Variants in ZFR2 observed in about 807,000 individuals in gnomAD.
ZFR2 encodes the protein zinc finger RNA-binding protein 2.
Under a neutral mutation model 105.7 loss-of-function variants are expected in ZFR2, and 104 were observed. That is an observed-to-expected ratio of 0.98 (90% CI 0.84 to 1.16). ZFR2 has a LOEUF of 1.16. Among genes scored for constraint, ZFR2 ranks in the 50% most tolerant of loss-of-function variants. ZFR2 has a pLI of 0.00. For missense variants in ZFR2, 1,425 were observed against 1,355.5 expected, an observed-to-expected ratio of 1.05 and a Z score of -0.80; for synonymous variants, 634 against 597.7, an observed-to-expected ratio of 1.06 and a Z score of -0.89.
chr19:3,855,297 G>T, intron 1 of ZFR2: 1 of 1,032,484 alleles, frequency 9.7e-7, no homozygotes, highest in Non-Finnish European at 1.2e-6. Flanking sequence ...CCATCTTCTG[G>T]CTAAGCTGAA....
rs1328222199 is a variant in ZFR2 at position 3,813,445 on chromosome 19, GCTT to G, written c.2242+372_2242+374del. The stretch of plus-strand genomic sequence containing the variant: ...TGACTGATGGACAGAGTCAAACTGA[GCTT>G]CTGCCGTGACCCAGGGGAAATGGCT... On this transcript the variant is annotated intron_variant, in intron 14 of 18. Coordinates refer to ENST00000262961, the MANE Select transcript of ZFR2 (RefSeq NM_015174.2). This position sits in a 1 kb window ranked among gnomAD's most constrained non-coding sequence, Gnocchi z 4.4. Among the ~76,000 whole-genome samples the G allele has an allele frequency of 6.6e-6, 1 of 152,184 alleles. No individual in the cohort carries two copies. Among genetic ancestry groups the G allele is most frequent in the African/African-American group, 2.4e-5 (1 of 41,448 alleles).
chr19:3,868,374 C>T (rs909266521), intron 1 of ZFR2, among the ~76,000 whole-genome samples: 1 of 150,440 alleles, frequency 6.6e-6, no homozygotes, highest in Admixed American at 6.6e-5. Flanking sequence ...TTCTCCTCCC[C>T]CCGCAATCGG....
At chr19:3,833,449 A>G in intron 3 of ZFR2, 1 of 404,032 alleles carries the variant, frequency 2.5e-6, no homozygotes, top group Non-Finnish European at 4.5e-6. Context: ...GGTTGCAGGC[A>G]CTTGTAGTCC....
Position 3,834,692 on chromosome 19 carries a change from G to T in ZFR2, c.264+81C>A. 2 of 1,396,908 alleles carry T rather than the reference G, an allele frequency of 1.4e-6. No homozygotes were observed. Among genetic ancestry groups the T allele is most frequent in the Non-Finnish European group, 2.0e-6 (2 of 1,008,320 alleles). The allele number at this position is 1,396,908 out of a possible 1,614,324, so 86.5% of individuals were successfully genotyped here. ...GTTAAGAGGCCTGGGAGAAGGAGTA[G>T]CTGTGGGAAGCCCACCGCTCTCACC... On this transcript the variant is annotated intron_variant, in intron 2 of 18. Transcript: ENST00000262961. This position sits in a 1 kb window ranked among gnomAD's most constrained non-coding sequence, Gnocchi z 5.3.
intron 1 of ZFR2, among the ~76,000 whole-genome samples, chr19:3,864,387 A>G (rs2038407283): frequency 6.6e-6 from 1 of 151,962 alleles, no homozygotes; most frequent in African/African-American, 2.4e-5. Context: ...CAAACAAACA[A>G]ACAAACAAAC....
chr19:3,814,129 C>G (rs1244585782), intron 13 of ZFR2, among the ~76,000 whole-genome samples, 171 bp from the exon 14 acceptor site: 1 of 152,172 alleles, frequency 6.6e-6, no homozygotes, highest in Non-Finnish European at 1.5e-5. Context: ...GACCAAGACA[C>G]AGCCGCAGCC....
At chr19:3,827,750 T>A in intron 5 of ZFR2, 97 bp from the exon 6 acceptor site, 1 of 1,414,252 alleles carries the variant, frequency 7.1e-7, no homozygotes, top group Non-Finnish European at 9.6e-7. Flanking sequence ...GGGAACTCGG[T>A]GGTAACAGAG....
In ZFR2 at chr19:3,821,475, T is replaced by C; in HGVS notation, c.1496A>G (p.Lys499Arg). The change falls in exon 10 of 19, where the codon AAA becomes AGA. Residue 499 changes from lysine to arginine, a missense_variant. Lys to Arg is a conservative substitution (Grantham distance 26, BLOSUM62 2). Transcript: ENST00000262961. ...GGCAATGGGAAGGTCCGGGTTCACT[T>C]TCTTCTGGAAAGGACAGGCAAGGCT... Reference protein sequence around the residue: ...GRRHRLQYRKKVNPDLPIATE... With the variant: ...GRRHRLQYRKRVNPDLPIATE... 1 of 1,601,132 alleles carries C rather than the reference T, an allele frequency of 6.2e-7. No individual in the cohort carries two copies. The highest frequency in any genetic ancestry group is 2.2e-5 in the East Asian group (1 of 44,550).
chr19:3,810,864 C>T lies in ZFR2; in HGVS notation c.2338-19G>A, dbSNP rs1230541224. On this transcript the variant is annotated intron_variant, in intron 15 of 18. Transcript: ENST00000262961. ...CTCGAGCCTTCGGGGGAGAAGCACA[C>T]GGTTAGCTTTCAGGGGCTCACGTGG... 10 of 1,549,660 alleles carry T rather than the reference C, an allele frequency of 6.5e-6. No individual in the cohort carries two copies. The highest frequency in any genetic ancestry group is 1.2e-5 in the South Asian group (1 of 83,988).
Position 3,816,848 on chromosome 19 carries a change from G to C in ZFR2, c.1932-3C>G. ...CCCGAGTCTGGGGGGCAACGCTGCT[G>C]TGGGGACAAAGCCACAGACGTGCGC... On this transcript the variant is annotated splice_polypyrimidine_tract_variant and splice_region_variant and intron_variant, in intron 12 of 18. Transcript: ENST00000262961. The C allele has an allele frequency of 1.3e-6, 2 of 1,555,620 alleles. No individual in the cohort carries two copies. Among genetic ancestry groups the C allele is most frequent in the Non-Finnish European group, 1.7e-6 (2 of 1,150,158 alleles).
chr19:3,864,585 C>T (rs754797824), intron 1 of ZFR2, among the ~76,000 whole-genome samples: 1 of 152,246 alleles, frequency 6.6e-6, no homozygotes, highest in Non-Finnish European at 1.5e-5. Flanking sequence ...TCGCTTCCCA[C>T]TACTCTGCAC....
At chr19:3,868,273 T>A (rs2038457203) in intron 1 of ZFR2, among the ~76,000 whole-genome samples, 1 of 149,846 alleles carries the variant, frequency 6.7e-6, no homozygotes, top group Admixed American at 6.6e-5. Flanking sequence ...CCCTCGCTGA[T>A]CTCTGTTTTC....
intron 1 of ZFR2, among the ~76,000 whole-genome samples, chr19:3,851,397 C>A (rs2038236450): frequency 6.6e-6 from 1 of 152,228 alleles, no homozygotes; most frequent in Non-Finnish European, 1.5e-5. Flanking sequence ...AGGAAGGGAA[C>A]ACTTGGCCTG....
At chr19:3,839,256 G>A (rs1311411512) in intron 1 of ZFR2, among the ~76,000 whole-genome samples, 5 of 152,010 alleles carry the variant, frequency 3.3e-5, no homozygotes, top group East Asian at 1.9e-4. Flanking sequence ...GGTCCAGGCC[G>A]GGCACATGGC....
At chr19:3,808,588 G>A (rs757027722) in intron 17 of ZFR2, among the ~76,000 whole-genome samples, 1 of 152,226 alleles carries the variant, frequency 6.6e-6, no homozygotes, top group Non-Finnish European at 1.5e-5. Flanking sequence ...TGCCGCCGCC[G>A]GTGGGCGTGG....
At chr19:3,850,304 C>T (rs1369772594) in intron 1 of ZFR2, among the ~76,000 whole-genome samples, 1 of 151,982 alleles carries the variant, frequency 6.6e-6, no homozygotes, top group Admixed American at 6.6e-5. Flanking sequence ...GGGCGACTGT[C>T]CTGGGTGCTG....
intron 13 of ZFR2, among the ~76,000 whole-genome samples, chr19:3,814,590 G>A (rs1190742842): frequency 1.3e-5 from 2 of 152,202 alleles, no homozygotes; most frequent in Non-Finnish European, 2.9e-5. Context: ...CATTACTGGG[G>A]TGGATGTTGT....
rs780193524 is a variant in ZFR2 at position 3,811,385 on chromosome 19, C to A, written c.2243-19G>T. On this transcript the variant is annotated intron_variant, in intron 14 of 18. Transcript: ENST00000262961. Reference sequence around the variant, plus strand: ...TCCACACCTTCTAGAAGAAAAACCTCGAGGTGTGCGGGGAAGGTGCCTCGT... The same window carrying A: ...TCCACACCTTCTAGAAGAAAAACCTAGAGGTGTGCGGGGAAGGTGCCTCGT... The A allele has an allele frequency of 6.4e-7, 1 of 1,560,126 alleles. No homozygotes were observed. Among genetic ancestry groups the A allele is most frequent in the Non-Finnish European group, 8.7e-7 (1 of 1,154,040 alleles).
chr19:3,823,525 C>T lies in ZFR2; in HGVS notation c.1214-122G>A. The T allele has an allele frequency of 1.0e-6, 1 of 1,000,538 alleles. No individual in the cohort carries two copies. The highest frequency in any genetic ancestry group is 1.4e-6 in the Non-Finnish European group (1 of 698,958). 62.0% of individuals were successfully genotyped at this position (1,000,538 alleles called of 1,614,324 possible). ...TGCAGGCTGTGCCATCCCCCTCCCTCCTGTGATGTCAGGGGGAATGGCCCC... is the reference window on the plus strand; with the variant it reads ...TGCAGGCTGTGCCATCCCCCTCCCTTCTGTGATGTCAGGGGGAATGGCCCC... On this transcript the variant is annotated intron_variant, in intron 7 of 18. Transcript: ENST00000262961. This position sits in a 1 kb window ranked among gnomAD's most constrained non-coding sequence, Gnocchi z 5.4.
Sources: allele counts gnomAD v4.1 joint callset (sites outside exome capture counted in the v4.1 genomes callset), GRCh38; gene constraint gnomAD v4.1.1; non-coding constraint Gnocchi (gnomAD v3.1); transcripts MANE v1.5; gene names NCBI Gene and HGNC (gene_info 2026-07-23, HGNC 2026-07-21).